The following PCDHGA1 variants were observed in gnomAD, a reference collection of about 807,000 sequenced individuals.
PCDHGA1 encodes protocadherin gamma subfamily A, 1, also known as protocadherin gamma-A1.
In PCDHGA1, 32 loss-of-function variants were observed where a neutral mutation model predicts 58.0. The ratio of observed to expected loss-of-function variants is 0.55; its 90% CI spans 0.42 to 0.74. The LOEUF (loss-of-function observed/expected upper bound fraction) is 0.74, where lower values mean the gene tolerates loss of function less well. Ranked by LOEUF, PCDHGA1 falls within the 30% of genes least tolerant of loss-of-function variation. The probability of loss-of-function intolerance (pLI) is 0.00; values close to 1 mark genes in which losing one functional copy is unlikely to be tolerated. For synonymous variants in PCDHGA1, 498 were observed against 501.1 expected (o/e 0.99, Z 0.08); for missense variants, 1,205 against 1,182.3 (o/e 1.02, Z -0.28).
intron 1 of PCDHGA1, chr5:141,402,878 G>A: frequency 1.4e-6 from 2 of 1,471,050 alleles, no homozygotes; most frequent in Non-Finnish European, 1.8e-6. Context: ...ACCATACTTT[G>A]CAGGGTGGAA....
intron 1 of PCDHGA1, chr5:141,366,871 G>C: frequency 1.4e-6 from 2 of 1,404,144 alleles, no homozygotes; most frequent in African/African-American, 1.4e-5. Flanking sequence ...TGCTGTATTG[G>C]AGATTAATTT....
intron 1 of PCDHGA1, chr5:141,383,386 G>C (rs1199066955): frequency 1.2e-6 from 2 of 1,614,000 alleles, no homozygotes; most frequent in Non-Finnish European, 1.7e-6. Context: ...TCCAGATGTG[G>C]GCACGAACTC....
At position 141,414,753 on chromosome 5, in the gene PCDHGA1, T is replaced by C. The variant is rs10041534; in HGVS notation, c.2422-80054T>C. 7.9e-4 allele frequency: 1,273 copies of C among 1,614,202 alleles called. 15 individuals carry two copies. The African/African-American group carries it at 0.015, about 19-fold the overall frequency. ...TGTATGCACTCAGATCCTTCGACTA[T>C]GAGCAGTTTCATGAGCTACAGATGC... On this transcript the variant is annotated intron_variant, in intron 1 of 3. Transcript: ENST00000517417.
chr5:141,476,801 C>A lies in PCDHGA1; in HGVS notation c.2422-18006C>A, dbSNP rs752954707. The A allele has an allele frequency of 5.8e-5, 94 of 1,613,468 alleles. No homozygotes were observed. The highest frequency in any genetic ancestry group is 7.9e-5 in the Non-Finnish European group (93 of 1,180,028). The stretch of plus-strand genomic sequence containing the variant: ...GACCCCAGCTCTCTCCGCCAGCCTG[C>A]CTATTCACATCAAGGTGCTGGACGC... On this transcript the variant is annotated intron_variant, in intron 1 of 3. Transcript: ENST00000517417. This position sits in a 1 kb window ranked among gnomAD's most constrained non-coding sequence, Gnocchi z 7.6.
chr5:141,370,277 C>T, intron 1 of PCDHGA1: 1 of 847,602 alleles, frequency 1.2e-6, no homozygotes, highest in East Asian at 2.6e-5. Flanking sequence ...CGGAGACACC[C>T]ATTAGAGAAC....
intron 1 of PCDHGA1, chr5:141,410,121 A>G (rs1239244343): frequency 1.9e-6 from 3 of 1,612,642 alleles, no homozygotes; most frequent in Non-Finnish European, 2.5e-6. Flanking sequence ...GCAGCCCGCC[A>G]GCGCCTGCTG....
At chr5:141,346,632 GT>G in intron 1 of PCDHGA1, 2 of 975,258 alleles carry the variant, frequency 2.1e-6, no homozygotes, top group Non-Finnish European at 3.0e-6. Flanking sequence ...CCCCGGTCTG[GT>G]TATGGTTGAG....
intron 1 of PCDHGA1, chr5:141,423,750 TGGGGGG>T: frequency 3.5e-6 from 1 of 287,482 alleles, no homozygotes; most frequent in Non-Finnish European, 4.5e-6. Flanking sequence ...GAAAACTGTT[TGGGGGG>T]GGGGTGGGGC....
intron 1 of PCDHGA1, among the ~76,000 whole-genome samples, chr5:141,337,853 T>G (rs1756709043): frequency 6.6e-6 from 1 of 152,184 alleles, no homozygotes; most frequent in African/African-American, 2.4e-5. Context: ...GAAAAAGAAC[T>G]TGACAACCTC....
chr5:141,490,488 C>A lies in PCDHGA1; in HGVS notation c.2422-4319C>A, dbSNP rs142637733. 6.2e-7 allele frequency: 1 copy of A among 1,614,018 alleles called. No homozygotes were observed. Among genetic ancestry groups the A allele is most frequent in the African/African-American group, 1.3e-5 (1 of 74,904 alleles). ...CCAGCCAGCCTTTGGACCGGGAGGC[C>A]ACATCCCACTATATCATCGAGCTGC... On this transcript the variant is annotated intron_variant, in intron 1 of 3. Coordinates refer to ENST00000517417, the MANE Select transcript of PCDHGA1 (RefSeq NM_018912.3). The surrounding 1 kb of genome is among the most constrained non-coding windows in gnomAD (Gnocchi z 5.4).
chr5:141,350,698 G>C (rs1417939450), intron 1 of PCDHGA1: 1 of 1,613,916 alleles, frequency 6.2e-7, no homozygotes, highest in East Asian at 2.2e-5. Context: ...CCTTACCCGG[G>C]GTAAAATTCT....
In PCDHGA1 at chr5:141,393,995, A is replaced by C. The variant is rs201832611; in HGVS notation, c.2421+60890A>C. On this transcript the variant is annotated intron_variant, in intron 1 of 3. Coordinates refer to ENST00000517417, the MANE Select transcript of PCDHGA1 (RefSeq NM_018912.3). ...CACGTGATAATTTACCTTTTAAATT[A>C]GAAAAGTCAATAGGTAATTATTATA... is the stretch of plus-strand genomic sequence containing the variant. The C allele has an allele frequency of 8.1e-6, 13 of 1,613,430 alleles. No homozygotes were observed. Among genetic ancestry groups the C allele is most frequent in the Non-Finnish European group, 1.1e-5 (13 of 1,179,634 alleles).
At chr5:141,353,528 T>G (rs1236615692) in intron 1 of PCDHGA1, among the ~76,000 whole-genome samples, 2 of 152,208 alleles carry the variant, frequency 1.3e-5, no homozygotes, top group Non-Finnish European at 2.9e-5. Context: ...AATTTTATAT[T>G]TGCATCACTA....
At chr5:141,384,642 C>T (rs373564078) in intron 1 of PCDHGA1, 5 of 1,614,214 alleles carry the variant, frequency 3.1e-6, no homozygotes, top group South Asian at 2.2e-5. Flanking sequence ...CACCCCGCTC[C>T]GCAGAGCCCG....
rs771321011 is a variant in PCDHGA1 at position 141,371,062 on chromosome 5, G to A, written c.2421+37957G>A. On this transcript the variant is annotated intron_variant, in intron 1 of 3. Coordinates refer to ENST00000517417, the MANE Select transcript of PCDHGA1 (RefSeq NM_018912.3). ...GTGGATGGGGGCGAGCCCTCCAGAA[G>A]CTGTACCACCCAGATCAGGGTAATT... 4 of 1,613,856 alleles carry A rather than the reference G, an allele frequency of 2.5e-6. No homozygotes were observed. The highest frequency in any genetic ancestry group is 3.4e-6 in the Non-Finnish European group (4 of 1,179,884).
intron 1 of PCDHGA1, chr5:141,361,024 A>G: frequency 6.2e-7 from 1 of 1,613,350 alleles, no homozygotes; most frequent in Non-Finnish European, 8.5e-7. Context: ...CTTAAATGAA[A>G]AAACAGGAGA....
At chr5:141,413,956 G>C in intron 1 of PCDHGA1, 11 of 1,613,484 alleles carry the variant, frequency 6.8e-6, no homozygotes, top group Non-Finnish European at 9.3e-6. Context: ...GAATTTGCCT[G>C]TGGGCACTCA....
At chr5:141,394,224 A>G (rs375614946) in intron 1 of PCDHGA1, 380 of 1,613,788 alleles carry the variant, frequency 2.4e-4, no homozygotes, top group Middle Eastern at 1.3e-3. Context: ...AGGAGCCTCC[A>G]TCTTTTCCTT....
At chr5:141,381,244 C>T (rs554184818) in intron 1 of PCDHGA1, among the ~76,000 whole-genome samples, 2 of 152,360 alleles carry the variant, frequency 1.3e-5, no homozygotes, top group African/African-American at 4.8e-5. Flanking sequence ...TCTCCAGGAC[C>T]TAGAAGAATT....
Sources: allele counts gnomAD v4.1 joint callset (sites outside exome capture counted in the v4.1 genomes callset), GRCh38; gene constraint gnomAD v4.1.1; non-coding constraint Gnocchi (gnomAD v3.1); transcripts MANE v1.5; gene names NCBI Gene and HGNC (gene_info 2026-07-23, HGNC 2026-07-21).